SOX6: variants seen among roughly 807,000 people sequenced by gnomAD.
SOX6 encodes the protein transcription factor SOX-6.
A neutral mutation model predicts 97.8 loss-of-function variants in SOX6; 11 were observed. The observed-to-expected ratio is 0.11, with a 90% confidence interval of 0.07 to 0.19. The LOEUF (loss-of-function observed/expected upper bound fraction) is 0.19. SOX6 is among the 10% of genes least tolerant of loss of function. The pLI, the probability that SOX6 is intolerant of heterozygous loss-of-function variation, is 1.00. For missense variants in SOX6, 810 were observed against 1,039.5 expected, an observed-to-expected ratio of 0.78 and a Z score of 3.04; for synonymous variants, 360 against 371.4, an observed-to-expected ratio of 0.97 and a Z score of 0.35.
intron 3 of SOX6, among the ~76,000 whole-genome samples, chr11:16,247,470 A>G (rs1021961174): frequency 6.6e-6 from 1 of 152,168 alleles, no homozygotes; most frequent in African/African-American, 2.4e-5. Flanking sequence ...ATTTATAAAG[A>G]AAACAGCTTT....
chr11:16,231,159 A>G (rs1168718662), intron 4 of SOX6, among the ~76,000 whole-genome samples: 2 of 151,756 alleles, frequency 1.3e-5, no homozygotes, highest in Non-Finnish European at 3.0e-5. Flanking sequence ...CTATAGAAAA[A>G]AGCATTAAAG....
At chr11:16,509,477 T>A (rs1226392133) in intron 4 of SOX6, among the ~76,000 whole-genome samples, 1 of 152,048 alleles carries the variant, frequency 6.6e-6, no homozygotes, top group Non-Finnish European at 1.5e-5. Flanking sequence ...TCTGGGATGG[T>A]GGTCTAAGCA....
At chr11:16,404,250 TG>T (rs749067284) in intron 1 of SOX6, among the ~76,000 whole-genome samples, 2 of 151,930 alleles carry the variant, frequency 1.3e-5, no homozygotes, top group Non-Finnish European at 2.9e-5. Flanking sequence ...TCATTCAAAC[TG>T]TGCTTTGCTT....
chr11:16,505,485 C>T (rs1210401616), intron 4 of SOX6, among the ~76,000 whole-genome samples: 3 of 151,900 alleles, frequency 2.0e-5, no homozygotes, highest in Non-Finnish European at 4.4e-5. Context: ...AAAATGGAAG[C>T]AAAGTGGAAA....
At chr11:16,015,302 A>G (rs988277364) in intron 12 of SOX6, 2 of 526,432 alleles carry the variant, frequency 3.8e-6, no homozygotes, top group Non-Finnish European at 6.8e-6. Flanking sequence ...GCTTCTATGC[A>G]TATCTTCTCT....
At chr11:16,390,316 C>T (rs982719371) in intron 1 of SOX6, among the ~76,000 whole-genome samples, 3 of 152,084 alleles carry the variant, frequency 2.0e-5, no homozygotes, top group Non-Finnish European at 2.9e-5. Flanking sequence ...AAATGACAAA[C>T]TTACCCAGTT....
chr11:16,112,516 T>C (rs1849255892), intron 6 of SOX6, among the ~76,000 whole-genome samples: 2 of 152,200 alleles, frequency 1.3e-5, no homozygotes. Context: ...ATGTAACATA[T>C]AAATTGCTTG....
At chr11:16,173,158 G>A (rs1284205132) in intron 6 of SOX6, among the ~76,000 whole-genome samples, 2 of 151,962 alleles carry the variant, frequency 1.3e-5, no homozygotes, top group Non-Finnish European at 2.9e-5. Context: ...TGCCTACATA[G>A]AAAAGTGAAG....
intron 3 of SOX6, among the ~76,000 whole-genome samples, chr11:16,626,751 T>A (rs1469975097): frequency 2.0e-5 from 3 of 152,232 alleles, no homozygotes; most frequent in Non-Finnish European, 4.4e-5. Context: ...GAGGTCTTAA[T>A]CATATTTCAT....
chr11:16,193,342 A>G (rs1462733596), intron 4 of SOX6, among the ~76,000 whole-genome samples: 2 of 152,066 alleles, frequency 1.3e-5, no homozygotes, highest in Non-Finnish European at 2.9e-5. Context: ...GCTGCACCCC[A>G]GTCTGGGCGA....
chr11:16,734,195 A>C (rs1436060952), intron 2 of SOX6, among the ~76,000 whole-genome samples: 1 of 152,060 alleles, frequency 6.6e-6, no homozygotes, highest in African/African-American at 2.4e-5. Context: ...TCACAGTAGC[A>C]CTCTGACAAA....
intron 3 of SOX6, among the ~76,000 whole-genome samples, chr11:16,700,954 G>A (rs1264307532): frequency 1.3e-5 from 2 of 152,050 alleles, no homozygotes; most frequent in Non-Finnish European, 2.9e-5. Flanking sequence ...CTAGGTCCTA[G>A]TTTAAAAAAA....
intron 3 of SOX6, among the ~76,000 whole-genome samples, chr11:16,675,322 T>C (rs941797547): frequency 1.3e-5 from 2 of 152,158 alleles, no homozygotes; most frequent in African/African-American, 2.4e-5. Flanking sequence ...GCTATTTTTT[T>C]AAATTATATT....
intron 4 of SOX6, among the ~76,000 whole-genome samples, chr11:16,497,253 G>A (rs1168481972): frequency 2.0e-5 from 3 of 152,052 alleles, no homozygotes; most frequent in Non-Finnish European, 4.4e-5. Context: ...TGCAGATGAG[G>A]GTCCTAACTG....
intron 4 of SOX6, chr11:16,577,096 A>G (rs1847991760): frequency 6.6e-6 from 1 of 152,186 alleles, no homozygotes; most frequent in Non-Finnish European, 1.5e-5. Context: ...TAAATAACGA[A>G]TGAAAATTAA....
intron 14 of SOX6, among the ~76,000 whole-genome samples, chr11:15,987,294 T>G (rs2119818832): frequency 6.6e-6 from 1 of 152,266 alleles, no homozygotes; most frequent in East Asian, 1.9e-4. Flanking sequence ...GTACAAATAT[T>G]CTCTGCAGCC....
chr11:16,185,263 T>C (rs541574768), intron 5 of SOX6, among the ~76,000 whole-genome samples: 1 of 152,304 alleles, frequency 6.6e-6, no homozygotes, highest in South Asian at 2.1e-4. Flanking sequence ...GGAAATAGTA[T>C]TTAATCAGGT....
intron 1 of SOX6, among the ~76,000 whole-genome samples, chr11:16,417,566 G>T (rs567900694): frequency 2.0e-5 from 3 of 152,090 alleles, no homozygotes; most frequent in Non-Finnish European, 4.4e-5. Flanking sequence ...ACCAGAATGC[G>T]GCAGTGGGAA....
At chr11:16,334,218 G>A (rs917902937) in intron 2 of SOX6, among the ~76,000 whole-genome samples, 8 of 151,902 alleles carry the variant, frequency 5.3e-5, no homozygotes, top group Admixed American at 1.3e-4. Context: ...ACTAATGTCC[G>A]ATTTTCATTT....
Sources: allele counts gnomAD v4.1 joint callset (sites outside exome capture counted in the v4.1 genomes callset), GRCh38; gene constraint gnomAD v4.1.1; transcripts MANE v1.5; gene names NCBI Gene and HGNC (gene_info 2026-07-23, HGNC 2026-07-21).